Variants in TBXAS1 observed in about 807,000 individuals in gnomAD.
TBXAS1 encodes thromboxane-A synthase.
Under a neutral mutation model 60.7 loss-of-function variants are expected in TBXAS1, and 48 were observed. The ratio of observed to expected loss-of-function variants is 0.79; its 90% CI spans 0.63 to 1.01. TBXAS1 has a LOEUF of 1.01. Ranked by LOEUF, TBXAS1 falls within the 50% of genes least tolerant of loss-of-function variation. The pLI, the probability that TBXAS1 is intolerant of heterozygous loss-of-function variation, is 0.00. For synonymous variants in TBXAS1, 287 were observed against 269.7 expected, an observed-to-expected ratio of 1.06 and a Z score of -0.63; for missense variants, 685 against 686.3, an observed-to-expected ratio of 1.00 and a Z score of 0.02.
intron 3 of TBXAS1, among the ~76,000 whole-genome samples, chr7:139,895,576 G>C (rs1804024254): frequency 6.6e-6 from 1 of 152,246 alleles, no homozygotes; most frequent in Non-Finnish European, 1.5e-5. Flanking sequence ...AGCTGAGGCT[G>C]GCCCTGAAGG....
chr7:139,955,859 C>T (rs569951713), intron 7 of TBXAS1, among the ~76,000 whole-genome samples: 29 of 152,342 alleles, frequency 1.9e-4, no homozygotes, highest in Non-Finnish European at 2.4e-4. Flanking sequence ...ACGGTTGGGA[C>T]GCACCGTGTT....
intron 4 of TBXAS1, among the ~76,000 whole-genome samples, chr7:139,923,257 G>T (rs1044899468): frequency 6.6e-6 from 1 of 152,024 alleles, no homozygotes; most frequent in Non-Finnish European, 1.5e-5. Flanking sequence ...AGCCCAGGAG[G>T]CGTAGGTTGT....
chr7:139,961,221 CA>C (rs1810309986), intron 8 of TBXAS1, among the ~76,000 whole-genome samples: 1 of 152,206 alleles, frequency 6.6e-6, no homozygotes, highest in Non-Finnish European at 1.5e-5. Flanking sequence ...ACTTTGAAGA[CA>C]GGCGCCGCCA....
chr7:139,941,975 T>C (rs145214685), intron 5 of TBXAS1, among the ~76,000 whole-genome samples: 10 of 152,330 alleles, frequency 6.6e-5, no homozygotes, highest in East Asian at 1.9e-4. Flanking sequence ...GTGGAATCTA[T>C]ATATTTGTAT....
upstream of TBXAS1, among the ~76,000 whole-genome samples, chr7:139,825,090 A>G (rs1012254737): frequency 1.3e-5 from 2 of 151,622 alleles, no homozygotes; most frequent in African/African-American, 4.8e-5. Context: ...CGGCCTCCCA[A>G]AATGCTGCGA....
chr7:139,833,089 A>C (rs1798815799), intron 1 of TBXAS1, among the ~76,000 whole-genome samples: 1 of 152,138 alleles, frequency 6.6e-6, no homozygotes. Context: ...AACAAAAAAA[A>C]CCAAAGTACA....
At chr7:139,837,510 A>G (rs1463052532) in intron 1 of TBXAS1, among the ~76,000 whole-genome samples, 1 of 152,254 alleles carries the variant, frequency 6.6e-6, no homozygotes, top group Non-Finnish European at 1.5e-5. Flanking sequence ...CAGCATTTGC[A>G]GTGACCTGGA....
intron 1 of TBXAS1, among the ~76,000 whole-genome samples, chr7:139,871,542 C>T (rs1156839586): frequency 6.6e-6 from 1 of 152,244 alleles, no homozygotes; most frequent in Non-Finnish European, 1.5e-5. Context: ...CCACACTGCA[C>T]TTCTCAGACT....
At chr7:139,819,787 GCCA>G (rs1348036077) in intron 4 of TBXAS1, among the ~76,000 whole-genome samples, 1 of 152,018 alleles carries the variant, frequency 6.6e-6, no homozygotes, top group African/African-American at 2.4e-5. Context: ...GCAGGTATGA[GCCA>G]CCACTCTCAG....
chr7:139,944,078 T>C (rs947978111), intron 5 of TBXAS1, among the ~76,000 whole-genome samples: 6 of 152,142 alleles, frequency 3.9e-5, no homozygotes, highest in Non-Finnish European at 8.8e-5. Flanking sequence ...GTTTATAATG[T>C]AGAAGAGAAA....
At chr7:140,012,835 T>C (rs1287494600) in intron 10 of TBXAS1, among the ~76,000 whole-genome samples, 1 of 152,138 alleles carries the variant, frequency 6.6e-6, no homozygotes, top group Non-Finnish European at 1.5e-5. Context: ...AAGAGAGCGG[T>C]TCTTCACCTC....
At chr7:139,902,038 T>C (rs1378969551) in intron 3 of TBXAS1, among the ~76,000 whole-genome samples, 3 of 150,210 alleles carry the variant, frequency 2.0e-5, no homozygotes, top group Non-Finnish European at 3.0e-5. Flanking sequence ...TGGTAACCTC[T>C]TGCGTGACTA....
At chr7:139,879,679 A>G (rs1031206006) in intron 3 of TBXAS1, among the ~76,000 whole-genome samples, 2 of 152,136 alleles carry the variant, frequency 1.3e-5, no homozygotes, top group African/African-American at 2.4e-5. Context: ...ATCCCCTCCA[A>G]TTTGTAGCTG....
Position 139,802,475 on chromosome 7 carries a change from T to G in TBXAS1, c.-80+15049T>G, listed in dbSNP as rs1797745801. Among the ~76,000 whole-genome samples, 3 of 152,196 alleles carry G rather than the reference T, an allele frequency of 2.0e-5. No individual in the cohort carries two copies. In the South Asian group the frequency reaches 6.2e-4, roughly 32 times the overall value. On this transcript the variant is annotated intron_variant, in intron 4 of 16. Transcript: ENST00000336425. ...GTGATAGTGAATAAGTCTCTAGAGA[T>G]CTGATGGTTTTATAAAGGCCAGTTC...
intron 5 of TBXAS1, among the ~76,000 whole-genome samples, chr7:139,944,832 G>A (rs963567041): frequency 2.0e-5 from 3 of 152,172 alleles, no homozygotes; most frequent in Non-Finnish European, 4.4e-5. Context: ...CTCTCTCTGT[G>A]TAGGAAATAT....
chr7:140,000,685 A>G (rs1813605345), intron 9 of TBXAS1, among the ~76,000 whole-genome samples: 1 of 112,294 alleles, frequency 8.9e-6, no homozygotes, highest in South Asian at 2.5e-4. Flanking sequence ...GATTCTGTTT[A>G]TTTTATTTCC....
chr7:139,783,869 A>G lies in TBXAS1; in HGVS notation c.-169+1140A>G, dbSNP rs112241303. Reference sequence around the variant, plus strand: ...GTTGCCAGTGGCTTCTTAGATTGCAAATCGCATGCCCTTTCTTAGCCCCTC... The same window carrying G: ...GTTGCCAGTGGCTTCTTAGATTGCAGATCGCATGCCCTTTCTTAGCCCCTC... On this transcript the variant is annotated intron_variant, in intron 3 of 16. Transcript: ENST00000336425. Among the ~76,000 whole-genome samples, 1,226 of 152,216 alleles carry G rather than the reference A, an allele frequency of 8.1e-3. 17 individuals are homozygous for G. Among genetic ancestry groups the G allele is most frequent in the African/African-American group, 0.028 (1,146 of 41,528 alleles).
chr7:139,904,985 TTCTCTCTTTCTCTCTTTC>T (rs1308000928), intron 3 of TBXAS1, among the ~76,000 whole-genome samples: 5 of 134,572 alleles, frequency 3.7e-5, no homozygotes, highest in Admixed American at 1.6e-4. Flanking sequence ...TTCTTTCTCT[TTCTCTCTTTCTCTCTTTC>T]TCTCTTTCTT....
rs551267952 is a variant in TBXAS1, at chr7:140,007,045, T to A, written c.1135-46T>A. 49 of 1,533,470 alleles carry A rather than the reference T, an allele frequency of 3.2e-5. 2 individuals are homozygous for A. The South Asian group carries it at 4.8e-4, about 15-fold the overall frequency. The allele number at this position is 1,533,470 out of a possible 1,614,324, so 95.0% of individuals were successfully genotyped here. A position where few individuals can be genotyped will look rare whatever the true frequency, so the allele number is the denominator to read the frequency against. ...AAGGAAAAGACAAAATGCTGTGAGA[T>A]TTGGGCTAACACGAACTTCTCCCTT... On this transcript the variant is annotated intron_variant, in intron 9 of 12. Coordinates refer to ENST00000448866, the MANE Select transcript of TBXAS1 (RefSeq NM_001061.7).
Sources: gnomAD v4.1 joint callset for allele counts (sites outside exome capture counted in the v4.1 genomes callset) on GRCh38, gnomAD v4.1.1 for gene constraint, MANE v1.5 for transcripts, NCBI Gene and HGNC (gene_info 2026-07-23, HGNC 2026-07-21) for gene names.